ALK: variants seen among roughly 807,000 people sequenced by gnomAD.
ALK encodes the protein ALK tyrosine kinase receptor.
ALK carries 74 observed loss-of-function variants against 163.1 expected under a neutral mutation model. The observed-to-expected ratio is 0.45, with a 90% CI of 0.38 to 0.55. The LOEUF (loss-of-function observed/expected upper bound fraction) is 0.55, where lower values mean the gene tolerates loss of function less well. ALK is among the 20% of genes least tolerant of loss of function. The pLI is 0.00. For synonymous variants in ALK, 960 were observed against 843.2 expected, an observed-to-expected ratio of 1.14 and a Z score of -2.40; for missense variants, 2,063 against 2,105.3, an observed-to-expected ratio of 0.98 and a Z score of 0.39.
intron 3 of ALK, among the ~76,000 whole-genome samples, chr2:29,684,134 A>C (rs1237081919): frequency 1.3e-5 from 2 of 152,158 alleles, no homozygotes; most frequent in Non-Finnish European, 2.9e-5. Flanking sequence ...ATAAATTCAG[A>C]GTGGTTCATG....
chr2:29,223,418 T>A lies in ALK; in HGVS notation c.3283A>T (p.Asn1095Tyr). 1 of 1,614,108 alleles carries A rather than the reference T, an allele frequency of 6.2e-7. No individual in the cohort carries two copies. The highest frequency in any genetic ancestry group is 8.5e-7 in the Non-Finnish European group (1 of 1,180,020). Residue 1095 changes from asparagine to tyrosine, a missense_variant, in exon 20 of 29, where the codon AAC becomes TAC. By Grantham distance (143) the Asn-to-Tyr change is moderately radical. This residue lies in a region of ALK where 575 missense variants were observed against 626.6 expected (regional missense o/e 0.92). Transcript: ENST00000389048. ...TSTIMTDYNP[N>Y]YCFAGKTSSI... ...GAGGTCTTGCCAGCAAAGCAGTAGT[T>A]GGGGTTGTAGTCGGTCATGATGGTC...
chr2:29,390,976 G>C (rs570968252), intron 4 of ALK, among the ~76,000 whole-genome samples: 41 of 152,328 alleles, frequency 2.7e-4, no homozygotes, highest in African/African-American at 8.7e-4. Context: ...GTTTCAGGTC[G>C]AAAGGGGATC....
intron 11 of ALK, among the ~76,000 whole-genome samples, chr2:29,271,796 T>C (rs1283855660): frequency 6.6e-6 from 1 of 152,184 alleles, no homozygotes; most frequent in African/African-American, 2.4e-5. Context: ...TGGCGAGAGA[T>C]GTGTATGCAG....
At chr2:29,312,677 G>C (rs1471885192) in intron 8 of ALK, among the ~76,000 whole-genome samples, 2 of 152,230 alleles carry the variant, frequency 1.3e-5, no homozygotes, top group African/African-American at 4.8e-5. Flanking sequence ...CCTGGGCAGA[G>C]AGTGGACAAC....
At chr2:29,236,865 A>G (rs535122716) in intron 13 of ALK, among the ~76,000 whole-genome samples, 2 of 152,222 alleles carry the variant, frequency 1.3e-5, no homozygotes, top group South Asian at 2.1e-4. Context: ...CAATATTTAT[A>G]TCCCCAGCCT....
At chr2:29,528,864 T>A (rs1029673168) in intron 4 of ALK, among the ~76,000 whole-genome samples, 1 of 152,202 alleles carries the variant, frequency 6.6e-6, no homozygotes, top group African/African-American at 2.4e-5. Flanking sequence ...GGCTGTTTGG[T>A]AGCCCCTATT....
intron 18 of ALK, 63 bp from the exon 19 acceptor site, chr2:29,225,628 A>C: frequency 7.2e-7 from 1 of 1,395,772 alleles, no homozygotes; most frequent in South Asian, 1.2e-5. Context: ...GTTGGTCCCA[A>C]GTCAGAAATA....
intron 3 of ALK, among the ~76,000 whole-genome samples, chr2:29,578,214 C>A (rs994162376): frequency 6.6e-6 from 1 of 151,908 alleles, no homozygotes; most frequent in African/African-American, 2.4e-5. Context: ...TCTCTTTTTG[C>A]CTGCTGCTGT....
chr2:29,295,889 A>G (rs1375655081), intron 9 of ALK, among the ~76,000 whole-genome samples: 1 of 152,182 alleles, frequency 6.6e-6, no homozygotes, highest in Non-Finnish European at 1.5e-5. Context: ...AGATCCATTT[A>G]TCTGTCCCCT....
At chr2:29,802,133 C>T (rs1664482519) in intron 1 of ALK, among the ~76,000 whole-genome samples, 1 of 151,978 alleles carries the variant, frequency 6.6e-6, no homozygotes, top group Admixed American at 6.6e-5. Context: ...ATATTTGGCT[C>T]AGTCACATAA....
Position 29,355,041 on chromosome 2 carries a change from T to C in ALK, c.1283-26560A>G, listed in dbSNP as rs1023155941. ...TCGGCCTCCCAAAGTGCTGGGATTA[T>C]AGGCGTGAGCCACTACGCCCGGCCA... On this transcript the variant is annotated intron_variant, in intron 5 of 28. Coordinates refer to ENST00000389048, the MANE Select transcript of ALK (RefSeq NM_004304.5). 3.3e-5 allele frequency among the ~76,000 whole-genome samples: 5 copies of C among 152,284 alleles called. No individual in the cohort carries two copies. The East Asian group carries it at 5.8e-4, about 18-fold the overall frequency.
At chr2:29,851,947 T>C (rs1666005154) in intron 1 of ALK, among the ~76,000 whole-genome samples, 1 of 152,114 alleles carries the variant, frequency 6.6e-6, no homozygotes, top group South Asian at 2.1e-4. Flanking sequence ...TCAGCAGCAG[T>C]AAGTAGTAGA....
At chr2:29,814,790 A>G (rs1038604850) in intron 1 of ALK, among the ~76,000 whole-genome samples, 1 of 151,948 alleles carries the variant, frequency 6.6e-6, no homozygotes, top group African/African-American at 2.4e-5. Flanking sequence ...GTTTCCTCCT[A>G]TGTGAAATGG....
intron 1 of ALK, among the ~76,000 whole-genome samples, chr2:29,808,080 A>T (rs4591306): frequency 0.84 from 128,341 of 152,200 alleles, 54,352 homozygotes; most frequent in Non-Finnish European, 0.87. Context: ...CTCTTTTTTT[A>T]ATGTATTTTC....
intron 1 of ALK, chr2:29,890,806 G>C (rs1383059183): frequency 6.6e-6 from 1 of 152,140 alleles, no homozygotes; most frequent in Non-Finnish European, 1.5e-5. Context: ...TGTTATTGGA[G>C]ACTTGCCTCA....
intron 4 of ALK, among the ~76,000 whole-genome samples, chr2:29,417,768 T>G (rs1669915948): frequency 6.6e-6 from 1 of 152,216 alleles, no homozygotes; most frequent in African/African-American, 2.4e-5. Flanking sequence ...CCTTTGTACC[T>G]TACGTACATA....
intron 4 of ALK, among the ~76,000 whole-genome samples, chr2:29,429,054 C>A (rs1043360540): frequency 6.6e-6 from 1 of 151,834 alleles, no homozygotes; most frequent in Non-Finnish European, 1.5e-5. Context: ...ACTTGAACAC[C>A]GTATCATGAC....
intron 1 of ALK, among the ~76,000 whole-genome samples, chr2:29,892,945 A>G (rs1414581731): frequency 6.6e-6 from 1 of 152,170 alleles, no homozygotes; most frequent in East Asian, 1.9e-4. Context: ...TGACTTGGTC[A>G]ATTCCATTGT....
At chr2:29,202,786 TAGTTGAGGGGTAG>T (rs1669215452) in intron 26 of ALK, among the ~76,000 whole-genome samples, 1 of 152,246 alleles carries the variant, frequency 6.6e-6, no homozygotes, top group African/African-American at 2.4e-5. Flanking sequence ...TTCCATCTCC[TAGTTGAGGGGTAG>T]TTGGGTTGGG....
Sources: allele counts gnomAD v4.1 joint callset (sites outside exome capture counted in the v4.1 genomes callset), GRCh38; gene constraint gnomAD v4.1.1; regional missense constraint gnomAD v4.1.1; transcripts MANE v1.5; gene names NCBI Gene and HGNC (gene_info 2026-07-23, HGNC 2026-07-21).